Variants in STX18 observed in about 807,000 individuals in gnomAD.
The protein encoded by STX18 is syntaxin 18.
In STX18, 40 loss-of-function variants were observed where a neutral mutation model predicts 50.1. The observed-to-expected ratio is 0.80, with a 90% confidence interval of 0.62 to 1.04. The LOEUF (loss-of-function observed/expected upper bound fraction) is 1.04. STX18 is among the 50% of genes least tolerant of loss of function. The pLI is 0.00. For missense variants in STX18, 410 were observed against 415.8 expected, an observed-to-expected ratio of 0.99 and a Z score of 0.12; for synonymous variants, 158 against 151.8, an observed-to-expected ratio of 1.04 and a Z score of -0.30.
chr4:4,485,118 C>T (rs538710139), intron 1 of STX18, among the ~76,000 whole-genome samples: 2 of 152,310 alleles, frequency 1.3e-5, no homozygotes, highest in African/African-American at 4.8e-5. Context: ...GGGTTCAGAT[C>T]CCAGCTCTGC....
At chr4:4,421,002 A>C in intron 9 of STX18, 58 bp from the exon 10 acceptor site, 1 of 1,534,412 alleles carries the variant, frequency 6.5e-7, no homozygotes, top group Non-Finnish European at 9.0e-7. Context: ...CCTGAAACCC[A>C]AAATGCTCCA....
In STX18 at chr4:4,459,376, T is replaced by C. The variant is rs770808784; in HGVS notation, c.348A>G (p.Thr116=). The C allele has an allele frequency of 6.2e-7, 1 of 1,612,728 alleles. No individual in the cohort carries two copies. The highest frequency in any genetic ancestry group is 1.7e-5 in the Admixed American group (1 of 60,006). The change falls in exon 3 of 11, where the codon ACA becomes ACG. Residue 116 remains threonine, a synonymous_variant. Coordinates refer to ENST00000306200, the MANE Select transcript of STX18 (RefSeq NM_016930.4). Reference sequence around the variant, plus strand: ...GCATCTTTCAGAGCACTTTACCTTCTGTTCGTAGTTGCTGAATTGCTTCTG... The same window carrying C: ...GCATCTTTCAGAGCACTTTACCTTCCGTTCGTAGTTGCTGAATTGCTTCTG... The part of the protein sequence containing the change: ...TCSEAIQQLR[T]EAHKEIHSQQ...
At chr4:4,475,055 T>A (rs946721418) in intron 1 of STX18, among the ~76,000 whole-genome samples, 3 of 152,186 alleles carry the variant, frequency 2.0e-5, no homozygotes, top group African/African-American at 7.2e-5. Context: ...ACAGGTTAGA[T>A]CCAGCTGCCC....
At chr4:4,459,058 A>ACATG (rs1248122108) in intron 3 of STX18, among the ~76,000 whole-genome samples, 3 of 139,352 alleles carry the variant, frequency 2.2e-5, no homozygotes, top group African/African-American at 9.2e-5. Flanking sequence ...GAACACACAC[A>ACATG]CACGCACACA....
chr4:4,517,237 T>C (rs910170662), intron 1 of STX18, among the ~76,000 whole-genome samples: 1 of 152,184 alleles, frequency 6.6e-6, no homozygotes, highest in Admixed American at 6.5e-5. Flanking sequence ...GCTTCTGTTT[T>C]TTCAAAATCT....
chr4:4,494,437 T>C (rs1177792766), intron 1 of STX18, among the ~76,000 whole-genome samples: 1 of 152,170 alleles, frequency 6.6e-6, no homozygotes, highest in Non-Finnish European at 1.5e-5. Context: ...GGTGCTGTGC[T>C]TCACTTACAA....
At chr4:4,524,358 C>A (rs889963680) in intron 1 of STX18, among the ~76,000 whole-genome samples, 3 of 152,200 alleles carry the variant, frequency 2.0e-5, no homozygotes, top group Non-Finnish European at 4.4e-5. Context: ...TGATTCTCAG[C>A]CAAATGTATT....
rs201963387 is a variant in STX18, at chr4:4,464,902, G to GT, written c.237-5416dup. Among the ~76,000 whole-genome samples the GT allele has an allele frequency of 3.3e-3, 478 of 144,158 alleles. 2 individuals are homozygous for GT. The highest frequency in any genetic ancestry group is 0.02 in the East Asian group (100 of 4,966). 94.6% of individuals were successfully genotyped at this position (144,158 alleles called of 152,430 possible). The stretch of plus-strand genomic sequence containing the variant: ...CTGGATTCATTGATTTTTTCGAAGC[G>GT]TTTTTTTTTTTGTGTGTGTCTCTAT... On this transcript the variant is annotated intron_variant, in intron 2 of 10. Coordinates refer to ENST00000306200, the MANE Select transcript of STX18 (RefSeq NM_016930.4).
intron 1 of STX18, among the ~76,000 whole-genome samples, chr4:4,522,346 G>A (rs1730545970): frequency 6.6e-6 from 1 of 152,134 alleles, no homozygotes; most frequent in Non-Finnish European, 1.5e-5. Context: ...AAAACGTAAT[G>A]GAGTAATAGA....
intron 1 of STX18, among the ~76,000 whole-genome samples, chr4:4,526,559 T>C (rs1412847781): frequency 2.6e-5 from 4 of 152,184 alleles, no homozygotes; most frequent in Non-Finnish European, 1.5e-5. Flanking sequence ...ATCCTCCCAA[T>C]ATACGACTTC....
At chr4:4,531,518 T>C (rs1731095095) in intron 1 of STX18, among the ~76,000 whole-genome samples, 1 of 152,242 alleles carries the variant, frequency 6.6e-6, no homozygotes, top group Admixed American at 6.5e-5. Flanking sequence ...ACTAATGTTA[T>C]ACAATGGCTC....
At chr4:4,439,157 CCA>C (rs1491197323) in intron 5 of STX18, among the ~76,000 whole-genome samples, 5 of 116,054 alleles carry the variant, frequency 4.3e-5, no homozygotes, top group African/African-American at 3.3e-5. Context: ...TATATACCCC[CCA>C]CACATATATA....
intron 1 of STX18, among the ~76,000 whole-genome samples, chr4:4,527,944 C>A (rs536363299): frequency 2.0e-5 from 3 of 151,576 alleles, no homozygotes; most frequent in Non-Finnish European, 4.4e-5. Flanking sequence ...ATGGGGAAGA[C>A]ATCCCTTAGC....
intron 1 of STX18, among the ~76,000 whole-genome samples, chr4:4,527,882 T>A (rs969312264): frequency 8.7e-6 from 1 of 114,406 alleles, no homozygotes; most frequent in Non-Finnish European, 1.9e-5. Context: ...ATATATATAT[T>A]AAAAACTACC....
At chr4:4,459,792 T>G (rs1209233200) in intron 2 of STX18, among the ~76,000 whole-genome samples, 2 of 152,200 alleles carry the variant, frequency 1.3e-5, no homozygotes, top group African/African-American at 4.8e-5. Flanking sequence ...TTATAAAGAA[T>G]GTAGGCTCTG....
intron 1 of STX18, among the ~76,000 whole-genome samples, chr4:4,514,399 G>A (rs1169851126): frequency 6.6e-6 from 1 of 152,094 alleles, no homozygotes; most frequent in African/African-American, 2.4e-5. Context: ...TTTAAAGTGA[G>A]AAATTTTAAA....
chr4:4,439,157 C>A (rs1725957169), intron 5 of STX18, among the ~76,000 whole-genome samples: 1 of 116,054 alleles, frequency 8.6e-6, no homozygotes, highest in Non-Finnish European at 1.6e-5. Context: ...TATATACCCC[C>A]CACACATATA....
At position 4,527,102 on chromosome 4, in the gene STX18, C is replaced by T. The variant is rs150484769; in HGVS notation, c.168+14695G>A. Among the ~76,000 whole-genome samples the T allele has an allele frequency of 9.6e-3, 1,465 of 152,272 alleles. 27 individuals are homozygous for T. Among genetic ancestry groups the T allele is most frequent in the African/African-American group, 0.032 (1,326 of 41,554 alleles). ...CCAATTGGGGCTGTAAAGTACCCCA[C>T]GACGCCTTCATCTGGGGACCTATTT... On this transcript the variant is annotated intron_variant, in intron 1 of 10. Coordinates refer to ENST00000306200, the MANE Select transcript of STX18 (RefSeq NM_016930.4).
At chr4:4,542,120 C>G, upstream of STX18, 1 of 1,007,936 alleles carries the variant, frequency 9.9e-7, no homozygotes, top group Non-Finnish European at 1.4e-6. Flanking sequence ...GCCCTGCTAC[C>G]GCGGCGGGAG....
Sources: allele counts gnomAD v4.1 joint callset (sites outside exome capture counted in the v4.1 genomes callset), GRCh38; gene constraint gnomAD v4.1.1; transcripts MANE v1.5; gene names NCBI Gene and HGNC (gene_info 2026-07-23, HGNC 2026-07-21).